The following NFIC variants were observed in gnomAD, a reference collection of about 807,000 sequenced individuals.
NFIC encodes nuclear factor I C, also known as nuclear factor 1 C-type.
NFIC carries 12 observed loss-of-function variants against 54.4 expected under a neutral mutation model. The observed-to-expected ratio is 0.22, with a 90% confidence interval of 0.14 to 0.36. NFIC has a LOEUF of 0.36. Among genes scored for constraint, NFIC ranks in the 10% least tolerant of loss-of-function variants. The pLI is 1.00. For missense variants in NFIC, 575 were observed against 718.2 expected (o/e 0.80, Z 2.28); for synonymous variants, 322 against 319.2 (o/e 1.01, Z -0.09).
chr19:3,444,839 T>C (rs1413765228), intron 6 of NFIC, among the ~76,000 whole-genome samples: 1 of 151,988 alleles, frequency 6.6e-6, no homozygotes, highest in Non-Finnish European at 1.5e-5. Flanking sequence ...GCATGCATGC[T>C]CATACATATA....
At chr19:3,435,018 C>A (rs2082176875) in intron 5 of NFIC, 65 bp from the exon 6 acceptor site, 3 of 1,486,596 alleles carry the variant, frequency 2.0e-6, no homozygotes, top group Admixed American at 2.2e-5. Flanking sequence ...TAGCAAAGCC[C>A]GCCGTCGCGC....
At position 3,451,112 on chromosome 19, in the gene NFIC, A is replaced by G. The variant is rs150141194; in HGVS notation, c.1085-1370A>G. ...GAAAGAGGAAAAGGCAGGCACCACA[A>G]TAGAATATGACTCAGCCATGAAAAC... is the stretch of plus-strand genomic sequence containing the variant. On this transcript the variant is annotated intron_variant, in intron 7 of 10. Coordinates refer to ENST00000443272, the MANE Select transcript of NFIC (RefSeq NM_001245002.2). Among the ~76,000 whole-genome samples the G allele has an allele frequency of 2.8e-4, 42 of 152,340 alleles. No homozygotes were observed. In the East Asian group the frequency reaches 6.2e-3, roughly 22 times the overall value.
intron 6 of NFIC, among the ~76,000 whole-genome samples, chr19:3,439,573 C>T (rs1389007681): frequency 6.7e-6 from 1 of 149,930 alleles, no homozygotes; most frequent in Non-Finnish European, 1.5e-5. Flanking sequence ...ACCTGGGAGG[C>T]GGAGGGTGCA....
At chr19:3,455,868 G>A (rs954657701) in intron 9 of NFIC, among the ~76,000 whole-genome samples, 2 of 152,000 alleles carry the variant, frequency 1.3e-5, no homozygotes, top group Middle Eastern at 3.2e-3. Flanking sequence ...TCCCTGCACC[G>A]GGGCTCTTAA....
rs1286237859 is a variant in NFIC at position 3,459,231 on chromosome 19, C to G, written c.1509+2596C>G. Among the ~76,000 whole-genome samples, 1 of 150,918 alleles carries G rather than the reference C, an allele frequency of 6.6e-6. No individual in the cohort carries two copies. Among genetic ancestry groups the G allele is most frequent in the African/African-American group, 2.4e-5 (1 of 40,940 alleles). On this transcript the variant is annotated intron_variant, in intron 10 of 10. Coordinates refer to ENST00000443272, the MANE Select transcript of NFIC (RefSeq NM_001245002.2). This position sits in a 1 kb window ranked among gnomAD's most constrained non-coding sequence, Gnocchi z 4.2. ...CCCTCTGCCTCTCCGGCTCCCGACA[C>G]CCCCCAGTCCATGGACTCTCCCCCC...
intron 9 of NFIC, among the ~76,000 whole-genome samples, chr19:3,455,951 T>C (rs1046398545): frequency 9.9e-5 from 15 of 152,106 alleles, no homozygotes; most frequent in African/African-American, 3.4e-4. Flanking sequence ...CCAGGACAAC[T>C]TGGGGACCCT....
chr19:3,456,605 A>G lies in NFIC; in HGVS notation c.1479A>G (p.Pro493=). The change falls in exon 10 of 11, where the codon CCA becomes CCG. Residue 493 remains proline (P), a synonymous_variant. Transcript: ENST00000443272. ...PANRSFVGLG[P]RDPAGIYQAQ... is the part of the protein sequence containing the mutation. ...ACCGTTCCTTTGTGGGATTAGGACC[A>G]AGGGATCCTGCGGGCATTTATCAGG... The G allele has an allele frequency of 6.4e-7, 1 of 1,553,542 alleles. No homozygotes were observed. Among genetic ancestry groups the G allele is most frequent in the Non-Finnish European group, 8.7e-7 (1 of 1,147,896 alleles).
chr19:3,463,535 C>T lies in NFIC; in HGVS notation c.*766C>T, dbSNP rs538373535. The T allele has an allele frequency of 1.4e-5, 14 of 984,830 alleles. No individual in the cohort carries two copies. The South Asian group carries it at 6.1e-4, about 43-fold the overall frequency. 61.0% of individuals were successfully genotyped at this position (984,830 alleles called of 1,614,324 possible). The stretch of plus-strand genomic sequence containing the variant: ...TCCCCACAAGCCCCTCCCAAAGCGC[C>T]GGCCGACTCGCTGTCTCGCTGGGGA... On this transcript the variant is annotated 3_prime_UTR_variant, in exon 11 of 11. Coordinates refer to ENST00000443272, the MANE Select transcript of NFIC (RefSeq NM_001245002.2).
rs2082751623 is a variant in NFIC, at chr19:3,468,874, C to G, written c.*6105C>G. 1 of 152,208 alleles carries G rather than the reference C, an allele frequency of 6.6e-6. No individual in the cohort carries two copies. Among genetic ancestry groups the G allele is most frequent in the Admixed American group, 6.5e-5 (1 of 15,282 alleles). The allele number at this position is 152,208 out of a possible 1,614,324, so 9.4% of individuals were successfully genotyped here. A position where few individuals can be genotyped will look rare whatever the true frequency, so the allele number is the denominator to read the frequency against. ...TCCAGCAGGTCCCCCACCCTCCCCT[C>G]CTCCTCCTACTTCTCCTCTTGACAG... On this transcript the variant is annotated 3_prime_UTR_variant, in exon 11 of 11. Coordinates refer to ENST00000443272, the MANE Select transcript of NFIC (RefSeq NM_001245002.2).
Position 3,462,832 on chromosome 19 carries a change from G to A in NFIC, c.*63G>A, listed in dbSNP as rs775798564. 34 of 1,610,794 alleles carry A rather than the reference G, an allele frequency of 2.1e-5. No homozygotes were observed. The highest frequency in any genetic ancestry group is 2.6e-5 in the Non-Finnish European group (31 of 1,179,172). On this transcript the variant is annotated 3_prime_UTR_variant, in exon 11 of 11. Transcript: ENST00000443272. ...AGGAATCCCAGGGGGCAGCACAGCC[G>A]GCCCCCGGCCCACGTTTTCGGTGGA... is the stretch of plus-strand genomic sequence containing the variant.
intron 6 of NFIC, among the ~76,000 whole-genome samples, chr19:3,443,422 CAA>C (rs1187383710): frequency 1.3e-4 from 18 of 133,614 alleles, no homozygotes; most frequent in Admixed American, 1.5e-4. Context: ...GACCCTATCT[CAA>C]AAAAAAAAAA....
chr19:3,462,132 A>G (rs2082650078), intron 10 of NFIC, among the ~76,000 whole-genome samples: 1 of 152,132 alleles, frequency 6.6e-6, no homozygotes, highest in Non-Finnish European at 1.5e-5. Context: ...CTGTAATTCC[A>G]GCACTTTGGG....
At chr19:3,413,590 T>C (rs527845231) in intron 2 of NFIC, among the ~76,000 whole-genome samples, 75 of 152,134 alleles carry the variant, frequency 4.9e-4, no homozygotes, top group African/African-American at 1.7e-3. Context: ...TGTGAGGCAA[T>C]GGAGGCAACA....
At chr19:3,360,582 C>T (rs1467324688) in intron 1 of NFIC, among the ~76,000 whole-genome samples, 2 of 152,164 alleles carry the variant, frequency 1.3e-5, no homozygotes. Context: ...GTGTACCTGC[C>T]TTGGGGCCGC....
intron 10 of NFIC, among the ~76,000 whole-genome samples, chr19:3,461,404 C>T (rs539365264): frequency 5.3e-5 from 8 of 152,126 alleles, no homozygotes; most frequent in African/African-American, 1.9e-4. Flanking sequence ...GCCTGGGCAA[C>T]GGAGCAAGAC....
chr19:3,417,255 A>C lies in NFIC; in HGVS notation c.563-7851A>C, dbSNP rs146550669. Reference sequence around the variant, plus strand: ...CCAGGAGTTAGAGACCGGCCTGGGCAATATAGTGAGACCCCCATCTCAAAG... The same window carrying C: ...CCAGGAGTTAGAGACCGGCCTGGGCCATATAGTGAGACCCCCATCTCAAAG... On this transcript the variant is annotated intron_variant, in intron 2 of 10. Transcript: ENST00000443272. Among the ~76,000 whole-genome samples the C allele has an allele frequency of 7.6e-3, 1,157 of 152,226 alleles. 13 individuals carry two copies. The highest frequency in any genetic ancestry group is 0.026 in the African/African-American group (1,100 of 41,560).
At chr19:3,444,551 G>T (rs923128165) in intron 6 of NFIC, among the ~76,000 whole-genome samples, 1 of 152,212 alleles carries the variant, frequency 6.6e-6, no homozygotes, top group Non-Finnish European at 1.5e-5. Context: ...CCGGGAGCGT[G>T]CCGGCTTATT....
chr19:3,403,770 C>T (rs1228799198), intron 2 of NFIC, among the ~76,000 whole-genome samples: 1 of 152,166 alleles, frequency 6.6e-6, no homozygotes, highest in Non-Finnish European at 1.5e-5. Flanking sequence ...TGGAGACGCG[C>T]CCCAAGAAAT....
intron 10 of NFIC, chr19:3,456,882 G>T (rs1037241230): frequency 1.8e-6 from 1 of 558,784 alleles, no homozygotes; most frequent in African/African-American, 1.9e-5. Context: ...CCCCAGGAGC[G>T]TCTCTGGAGA....
Sources: gnomAD v4.1 joint callset for allele counts (sites outside exome capture counted in the v4.1 genomes callset) on GRCh38, gnomAD v4.1.1 for gene constraint, Gnocchi (gnomAD v3.1) non-coding constraint, MANE v1.5 for transcripts, NCBI Gene and HGNC (gene_info 2026-07-23, HGNC 2026-07-21) for gene names.